PLEKHA5: variants seen among roughly 807,000 people sequenced by gnomAD.
PLEKHA5 encodes the protein pleckstrin homology domain-containing family A member 5.
In PLEKHA5, 55 loss-of-function variants were observed where a neutral mutation model predicts 181.9. The ratio of observed to expected loss-of-function variants is 0.30; its 90% confidence interval spans 0.24 to 0.38. The LOEUF is 0.38. PLEKHA5 is among the 10% of genes least tolerant of loss of function. The pLI is 1.00. For missense variants in PLEKHA5, 1,432 were observed against 1,549.5 expected (o/e 0.92, Z 1.27); for synonymous variants, 535 against 529.4 (o/e 1.01, Z -0.15).
intron 24 of PLEKHA5, 99 bp from the exon 25 acceptor site, chr12:19,348,300 G>A (rs1319961609): frequency 2.9e-5 from 24 of 831,458 alleles, no homozygotes; most frequent in Admixed American, 8.1e-5. Flanking sequence ...GCTCACTAGG[G>A]CTACTAATGT....
At chr12:19,236,232 C>T (rs1005001878) in intron 3 of PLEKHA5, among the ~76,000 whole-genome samples, 2 of 152,166 alleles carry the variant, frequency 1.3e-5, no homozygotes, top group African/African-American at 2.4e-5. Context: ...AGTTAGTATA[C>T]GTTGGTAATC....
At position 19,283,266 on chromosome 12, in the gene PLEKHA5, T is replaced by A; in HGVS notation, c.1314-14T>A. 1 of 1,508,330 alleles carries A rather than the reference T, an allele frequency of 6.6e-7. No homozygotes were observed. Among genetic ancestry groups the A allele is most frequent in the Non-Finnish European group, 9.0e-7 (1 of 1,108,378 alleles). The allele number at this position is 1,508,330 out of a possible 1,614,324, so 93.4% of individuals were successfully genotyped here. A position where few individuals can be genotyped will look rare whatever the true frequency, so the allele number is the denominator to read the frequency against. On this transcript the variant is annotated splice_polypyrimidine_tract_variant and intron_variant, in intron 11 of 31. Coordinates refer to ENST00000429027, the MANE Select transcript of PLEKHA5 (RefSeq NM_001256470.2). ...CTCCTTCATGTTTACATTTTAATTATTTTTTTATTTTAGAGTAATTTCTTA... is the reference window on the plus strand; with the variant it reads ...CTCCTTCATGTTTACATTTTAATTAATTTTTTATTTTAGAGTAATTTCTTA...
chr12:19,369,779 T>G lies in PLEKHA5; in HGVS notation c.3841T>G (p.Cys1281Gly), dbSNP rs201681690. 6.9e-6 allele frequency: 11 copies of G among 1,601,342 alleles called. No individual in the cohort carries two copies. The Admixed American group carries it at 1.7e-4, about 25-fold the overall frequency. The change falls in exon 31 of 32, where the codon TGT becomes GGT. Residue 1281 changes from cysteine to glycine, a missense_variant. Transcript: ENST00000429027. ...PQLTEGSHFM[C>G]V Reference sequence around the variant, plus strand: ...GCTCACAGAAGGATCACATTTCATGTGTGTGTAGTCTTAGAAGAAGTACGT... The same window carrying G: ...GCTCACAGAAGGATCACATTTCATGGGTGTGTAGTCTTAGAAGAAGTACGT...
At chr12:19,323,349 C>T (rs545403101) in intron 20 of PLEKHA5, among the ~76,000 whole-genome samples, 1 of 152,040 alleles carries the variant, frequency 6.6e-6, no homozygotes, top group Non-Finnish European at 1.5e-5. Context: ...ATGGTGAAAA[C>T]CCATCTCTAC....
At chr12:19,275,806 TC>T (rs2074345147) in intron 11 of PLEKHA5, among the ~76,000 whole-genome samples, 1 of 152,322 alleles carries the variant, frequency 6.6e-6, no homozygotes, top group African/African-American at 2.4e-5. Context: ...GAGCATTTAT[TC>T]ATTTTTGCAT....
chr12:19,351,049 C>T (rs903139285), intron 25 of PLEKHA5, among the ~76,000 whole-genome samples: 7 of 149,914 alleles, frequency 4.7e-5, no homozygotes, highest in African/African-American at 1.7e-4. Flanking sequence ...CCTCCTTCCT[C>T]CTCTGCCTGC....
chr12:19,178,470 C>T lies in PLEKHA5; in HGVS notation c.227+46020C>T, dbSNP rs556185336. On this transcript the variant is annotated intron_variant, in intron 3 of 31. Transcript: ENST00000429027. ...TTGCAGCTACACGAAGTGGAGCGTG[C>T]AGTTTTCCAAGTAGGTAGTTAATTT... 2.0e-5 allele frequency among the ~76,000 whole-genome samples: 3 copies of T among 152,244 alleles called. No homozygotes were observed. In the East Asian group the frequency reaches 5.8e-4, roughly 29 times the overall value.
chr12:19,264,235 A>T (rs550915765), intron 7 of PLEKHA5, among the ~76,000 whole-genome samples: 1 of 152,232 alleles, frequency 6.6e-6, no homozygotes, highest in East Asian at 1.9e-4. Flanking sequence ...GATACTAAGC[A>T]TCAATAACTT....
At chr12:19,147,928 G>A (rs2039356998) in intron 3 of PLEKHA5, among the ~76,000 whole-genome samples, 1 of 152,062 alleles carries the variant, frequency 6.6e-6, no homozygotes, top group Non-Finnish European at 1.5e-5. Flanking sequence ...TTAGAGATGG[G>A]GTCTCACTAT....
chr12:19,319,967 G>T (rs894180923), intron 16 of PLEKHA5, 54 bp from the exon 17 acceptor site: 1 of 1,204,854 alleles, frequency 8.3e-7, no homozygotes, highest in African/African-American at 1.5e-5. Flanking sequence ...ATAAGATTTC[G>T]AATGATTTTC....
chr12:19,154,954 A>C (rs1225458824), intron 3 of PLEKHA5, among the ~76,000 whole-genome samples: 1 of 152,176 alleles, frequency 6.6e-6, no homozygotes, highest in Admixed American at 6.5e-5. Flanking sequence ...TGTATGTGTC[A>C]GTATTAGGTC....
chr12:19,134,364 C>T (rs2034974156), intron 3 of PLEKHA5, among the ~76,000 whole-genome samples: 1 of 151,988 alleles, frequency 6.6e-6, no homozygotes, highest in South Asian at 2.1e-4. Context: ...AGGTTTTAAT[C>T]ATTTTGGTAT....
intron 25 of PLEKHA5, among the ~76,000 whole-genome samples, chr12:19,349,805 CA>C (rs1326743880): frequency 6.6e-6 from 1 of 151,558 alleles, no homozygotes; most frequent in African/African-American, 2.4e-5. Context: ...GGTGAAACCC[CA>C]TCTCTACTAA....
At chr12:19,353,712 G>A (rs1374548781) in intron 25 of PLEKHA5, among the ~76,000 whole-genome samples, 172 bp from the exon 26 acceptor site, 2 of 152,210 alleles carry the variant, frequency 1.3e-5, no homozygotes, top group Non-Finnish European at 1.5e-5. Context: ...GCCTGCCTTG[G>A]CCTCCCAAAG....
rs375208859 is a variant in PLEKHA5 at position 19,320,649 on chromosome 12, G to A, written c.2217+25G>A. On this transcript the variant is annotated intron_variant, in intron 18 of 31. Coordinates refer to ENST00000429027, the MANE Select transcript of PLEKHA5 (RefSeq NM_001256470.2). Reference sequence around the variant, plus strand: ...TGTAAGTATTAGTATGATATATGTGGTCAGTACTCTGTCGTATTCTCCGCC... The same window carrying A: ...TGTAAGTATTAGTATGATATATGTGATCAGTACTCTGTCGTATTCTCCGCC... 138 of 1,083,324 alleles carry A rather than the reference G, an allele frequency of 1.3e-4. No individual in the cohort carries two copies. In the African/African-American group the frequency reaches 2.0e-3, roughly 16 times the overall value. 67.1% of individuals were successfully genotyped at this position (1,083,324 alleles called of 1,614,324 possible).
chr12:19,204,114 T>G (rs923689965), intron 3 of PLEKHA5, among the ~76,000 whole-genome samples: 5 of 151,976 alleles, frequency 3.3e-5, no homozygotes, highest in African/African-American at 1.2e-4. Flanking sequence ...ACACCCTCCA[T>G]GTTAAGAGGC....
chr12:19,303,049 G>A (rs1262780011), intron 15 of PLEKHA5, among the ~76,000 whole-genome samples: 1 of 148,618 alleles, frequency 6.7e-6, no homozygotes, highest in African/African-American at 2.5e-5. Flanking sequence ...AGCCTCCTGA[G>A]TGAGTGAGAC....
At chr12:19,286,953 AGAC>A (rs2077337769) in intron 12 of PLEKHA5, among the ~76,000 whole-genome samples, 1 of 147,146 alleles carries the variant, frequency 6.8e-6, no homozygotes, top group Admixed American at 6.9e-5. Context: ...CAACAGAGTG[AGAC>A]TCTGCTTCAA....
intron 3 of PLEKHA5, among the ~76,000 whole-genome samples, chr12:19,144,479 CTT>C (rs1190706677): frequency 6.8e-6 from 1 of 147,068 alleles, no homozygotes; most frequent in Non-Finnish European, 1.5e-5. Flanking sequence ...GTTTTAGACA[CTT>C]ATAAAACTTC....
Sources: gnomAD v4.1 joint callset for allele counts (sites outside exome capture counted in the v4.1 genomes callset) on GRCh38, gnomAD v4.1.1 for gene constraint, MANE v1.5 for transcripts, NCBI Gene and HGNC (gene_info 2026-07-23, HGNC 2026-07-21) for gene names.